Variants in TTLL5 observed in about 807,000 individuals in gnomAD.
The protein encoded by TTLL5 is tubulin polyglutamylase TTLL5.
In TTLL5, 132 loss-of-function variants were observed where a neutral mutation model predicts 168.4. The observed-to-expected ratio is 0.78, with a 90% CI of 0.68 to 0.91. The LOEUF (loss-of-function observed/expected upper bound fraction) is 0.91. Ranked by LOEUF, TTLL5 falls within the 40% of genes least tolerant of loss-of-function variation. The pLI is 0.00. For missense variants in TTLL5, 1,545 were observed against 1,581.5 expected (o/e 0.98, Z 0.39); for synonymous variants, 546 against 558.6 (o/e 0.98, Z 0.32).
At chr14:75,724,332 G>A (rs1219546335) in intron 12 of TTLL5, among the ~76,000 whole-genome samples, 1 of 152,088 alleles carries the variant, frequency 6.6e-6, no homozygotes, top group Non-Finnish European at 1.5e-5. Context: ...TTCCTGCTGT[G>A]GGCAAGTCAT....
At chr14:75,769,514 C>T (rs146752316) in intron 20 of TTLL5, among the ~76,000 whole-genome samples, 120 of 152,194 alleles carry the variant, frequency 7.9e-4, no homozygotes, top group African/African-American at 2.6e-3. Flanking sequence ...ACATTCGTGA[C>T]GTTTATGGAA....
In TTLL5 at chr14:75,707,703, G is replaced by A; in HGVS notation, c.736G>A (p.Ala246Thr). 1 of 1,612,662 alleles carries A rather than the reference G, an allele frequency of 6.2e-7. No individual in the cohort carries two copies. Residue 246 changes from alanine (A) to threonine (T), a missense_variant, in exon 9 of 32, where the codon GCT (alanine) becomes ACT (threonine). Physicochemically the swap from Ala to Thr is moderately conservative, Grantham distance 58. Transcript: ENST00000298832. ...CATCTATCTCTATGAAGAAGGATTG[G>A]CTAGGTAAGAAGCTGTTTGGGGGTG... ...LVIYLYEEGL[A>T]RFATVRYDQG...
Position 75,690,219 on chromosome 14 carries a change from A to G in TTLL5, c.399A>G (p.Arg133=), listed in dbSNP as rs750828052. ...PRSYELTRKD[R]LYKNIIRMQH... ...CTTATGAACTTACCCGGAAGGACCG[A>G]CTGTACAAAAACATTATTCGAATGC... The change falls in exon 6 of 32, where the codon CGA becomes CGG. Residue 133 remains arginine (R), a synonymous_variant. Coordinates refer to ENST00000298832, the MANE Select transcript of TTLL5 (RefSeq NM_015072.5). 6 of 1,613,452 alleles carry G rather than the reference A, an allele frequency of 3.7e-6. No homozygotes were observed. The African/African-American group carries it at 8.0e-5, about 22-fold the overall frequency.
intron 28 of TTLL5, among the ~76,000 whole-genome samples, chr14:75,822,812 A>G (rs532839923): frequency 6.6e-6 from 1 of 152,222 alleles, no homozygotes; most frequent in South Asian, 2.1e-4. Flanking sequence ...CAGCGCCTCA[A>G]ATCCCTTGGT....
intron 6 of TTLL5, among the ~76,000 whole-genome samples, chr14:75,692,537 T>G (rs10162373): frequency 2.6e-3 from 398 of 152,242 alleles, no homozygotes; most frequent in African/African-American, 9.1e-3. Context: ...ATAAACAGAC[T>G]GGCCTTTAGA....
chr14:75,777,294 CAT>C (rs894946815), intron 23 of TTLL5, among the ~76,000 whole-genome samples: 2 of 152,154 alleles, frequency 1.3e-5, no homozygotes, highest in African/African-American at 4.8e-5. Context: ...AGAGGCATCT[CAT>C]ATTTACTGGG....
At chr14:75,667,616 G>A (rs1883361809) in intron 2 of TTLL5, among the ~76,000 whole-genome samples, 1 of 152,052 alleles carries the variant, frequency 6.6e-6, no homozygotes, top group Admixed American at 6.6e-5. Flanking sequence ...TAGAAAACGG[G>A]GAATAAACTA....
chr14:75,717,839 T>C lies in TTLL5; in HGVS notation c.741-22T>C, dbSNP rs376860567. 9.3e-6 allele frequency: 15 copies of C among 1,608,098 alleles called. No individual in the cohort carries two copies. In the African/African-American group the frequency reaches 2.0e-4, roughly 21 times the overall value. On this transcript the variant is annotated intron_variant, in intron 9 of 31. Transcript: ENST00000298832. The stretch of plus-strand genomic sequence containing the variant: ...TCCTTGAAACTCTGTTCCTGGCATT[T>C]AACCTGTTTCCCTTCTATCAGGTTT...
chr14:75,892,714 G>A (rs940229954), intron 30 of TTLL5, among the ~76,000 whole-genome samples: 6 of 152,214 alleles, frequency 3.9e-5, no homozygotes, highest in South Asian at 2.1e-4. Context: ...CCTAATGGGA[G>A]AGTAGTAAAA....
intron 31 of TTLL5, among the ~76,000 whole-genome samples, chr14:75,933,329 T>G (rs565176031): frequency 1.3e-5 from 2 of 152,200 alleles, no homozygotes; most frequent in South Asian, 4.2e-4. Context: ...CGGGTGTGGT[T>G]GCATGTGCCT....
chr14:75,785,608 T>C (rs1892322549), intron 26 of TTLL5, among the ~76,000 whole-genome samples: 1 of 152,202 alleles, frequency 6.6e-6, no homozygotes, highest in Non-Finnish European at 1.5e-5. Context: ...TAAATCAGCA[T>C]CATTTGTGGA....
intron 28 of TTLL5, among the ~76,000 whole-genome samples, chr14:75,830,796 T>C (rs1411284835): frequency 6.6e-6 from 1 of 152,182 alleles, no homozygotes; most frequent in Non-Finnish European, 1.5e-5. Context: ...TGTACAAATA[T>C]TGAGTAAAAG....
chr14:75,824,646 G>A (rs1895016940), intron 28 of TTLL5, among the ~76,000 whole-genome samples: 1 of 151,974 alleles, frequency 6.6e-6, no homozygotes, highest in African/African-American at 2.4e-5. Flanking sequence ...CTAGAAATCT[G>A]TTGCAGAATG....
chr14:75,823,546 G>A (rs1894953677), intron 28 of TTLL5, among the ~76,000 whole-genome samples: 1 of 152,162 alleles, frequency 6.6e-6, no homozygotes. Flanking sequence ...GGATCGAGCT[G>A]TCAGGGAATC....
At chr14:75,741,200 T>C (rs898817407) in intron 15 of TTLL5, among the ~76,000 whole-genome samples, 3 of 152,254 alleles carry the variant, frequency 2.0e-5, no homozygotes, top group Non-Finnish European at 4.4e-5. Context: ...TCGTAAGTTG[T>C]ACTATTGATA....
intron 22 of TTLL5, 192 bp from the exon 23 acceptor site, chr14:75,776,555 A>C: frequency 2.1e-6 from 1 of 474,674 alleles, no homozygotes; most frequent in South Asian, 3.6e-5. Flanking sequence ...TGGGAATTTC[A>C]AAATGTTTTA....
At chr14:75,821,983 C>T (rs1353205917) in intron 28 of TTLL5, among the ~76,000 whole-genome samples, 2 of 152,154 alleles carry the variant, frequency 1.3e-5, no homozygotes, top group African/African-American at 2.4e-5. Flanking sequence ...CCCAGGTGAC[C>T]TCTGGTTGCC....
Position 75,775,497 on chromosome 14 carries a change from G to A in TTLL5, c.2150G>A (p.Arg717His), listed in dbSNP as rs201405297. The A allele has an allele frequency of 2.0e-4, 322 of 1,612,256 alleles. No homozygotes were observed. In the Middle Eastern group the frequency reaches 5.0e-3, roughly 25 times the overall value. ...TTTAATTTATAGGAGCTGGTTGTTC[G>A]TTTCCTCAAGCGAGCATCAAATAAC... ...KEDEQMELVVRFLKRASNNLQ... is the reference protein window; with the variant it reads ...KEDEQMELVVHFLKRASNNLQ... The change falls in exon 22 of 32, where the codon CGT (arginine) becomes CAT (histidine). Residue 717 changes from arginine to histidine, a missense_variant. Physicochemically the swap from Arg to His is conservative, Grantham distance 29. Coordinates refer to ENST00000298832, the MANE Select transcript of TTLL5 (RefSeq NM_015072.5).
intron 13 of TTLL5, among the ~76,000 whole-genome samples, 157 bp from the exon 14 acceptor site, chr14:75,733,832 A>C (rs915379390): frequency 6.6e-6 from 1 of 152,178 alleles, no homozygotes; most frequent in Non-Finnish European, 1.5e-5. Flanking sequence ...ATTTTTGCCC[A>C]GGATTTTTCC....
Sources: gnomAD v4.1 joint callset for allele counts (sites outside exome capture counted in the v4.1 genomes callset) on GRCh38, gnomAD v4.1.1 for gene constraint, MANE v1.5 for transcripts, NCBI Gene and HGNC (gene_info 2026-07-23, HGNC 2026-07-21) for gene names.